USP53: variants seen among roughly 807,000 people sequenced by gnomAD.
The protein encoded by USP53 is ubiquitin specific peptidase 53, also known as ubiquitin carboxyl-terminal hydrolase 53.
Under a neutral mutation model 94.9 loss-of-function variants are expected in USP53, and 71 were observed. The ratio of observed to expected loss-of-function variants is 0.75; its 90% CI spans 0.62 to 0.91. The LOEUF (loss-of-function observed/expected upper bound fraction) is 0.91. USP53 is among the 40% of genes least tolerant of loss of function. The pLI is 0.00. For synonymous variants in USP53, 375 were observed against 422.7 expected (o/e 0.89, Z 1.39); for missense variants, 1,173 against 1,281.0 (o/e 0.92, Z 1.29).
chr4:119,263,749 GT>G (rs1453318488), intron 12 of USP53, among the ~76,000 whole-genome samples: 1 of 152,062 alleles, frequency 6.6e-6, no homozygotes, highest in Non-Finnish European at 1.5e-5. Flanking sequence ...TAGGCTGAAG[GT>G]TGCTCTGGAC....
intron 15 of USP53, 48 bp downstream of exon 15, chr4:119,269,885 T>C (rs780931565): frequency 7.9e-7 from 1 of 1,261,656 alleles, no homozygotes; most frequent in South Asian, 3.1e-5. Context: ...CTTCTAAAAA[T>C]CTTATTTTAA....
intron 9 of USP53, among the ~76,000 whole-genome samples, chr4:119,258,519 C>G (rs962787475): frequency 6.6e-6 from 1 of 152,088 alleles, no homozygotes; most frequent in Non-Finnish European, 1.5e-5. Context: ...TTAGTCTGTT[C>G]TCATGCTGCT....
chr4:119,244,213 A>G (rs756469581), intron 5 of USP53, among the ~76,000 whole-genome samples: 6 of 152,220 alleles, frequency 3.9e-5, no homozygotes, highest in Non-Finnish European at 8.8e-5. Context: ...AAGTTATTAA[A>G]CATCATCAAG....
In USP53 at chr4:119,268,371, T is replaced by A; in HGVS notation, c.1239T>A (p.Ile413=). The A allele has an allele frequency of 6.2e-7, 1 of 1,613,866 alleles. No individual in the cohort carries two copies. The highest frequency in any genetic ancestry group is 2.2e-5 in the East Asian group (1 of 44,862). Residue 413 remains isoleucine, a synonymous_variant, in exon 14 of 19, where the codon ATT becomes ATA. Transcript: ENST00000692078. ...ATCAGAAATTTCCAACTGATAATAT[T>A]TCATCATCTAATCGGAGCCACAGTC... ...RENQKFPTDN[I]SSSNRSHSHT...
Position 119,256,258 on chromosome 4 carries a change from G to T in USP53, c.385G>T (p.Glu129Ter). ...DAAECFENML[E>*]RIHFHIVPSR... ...ATTTTTAAATTAGGAAAATATGTTG[G>T]AGAGGATTCATTTTCACATAGTGCC... is the stretch of plus-strand genomic sequence containing the variant. The change falls in exon 8 of 19, where the codon GAG (glutamate) becomes TAG (stop). Residue 129 changes from glutamate to a stop codon, truncating the protein, a stop_gained. Coordinates refer to ENST00000692078, the MANE Select transcript of USP53 (RefSeq NM_001371395.1). LOFTEE classifies it high-confidence loss of function. 1 of 1,611,576 alleles carries T rather than the reference G, an allele frequency of 6.2e-7. No individual in the cohort carries two copies. The highest frequency in any genetic ancestry group is 8.5e-7 in the Non-Finnish European group (1 of 1,179,188).
At chr4:119,225,052 CT>C (rs1246839843) in intron 3 of USP53, among the ~76,000 whole-genome samples, 1 of 152,138 alleles carries the variant, frequency 6.6e-6, no homozygotes, top group Middle Eastern at 3.4e-3. Context: ...GATAAAATCC[CT>C]AGCCAAGACT....
chr4:119,268,422 T>C lies in USP53; in HGVS notation c.1288+2T>C. Reference sequence around the variant, plus strand: ...ACACAGGTGTAGGGAAAGGACCAGGTATGTGTTTAAATTGTCATTTTTACA... The same window carrying C: ...ACACAGGTGTAGGGAAAGGACCAGGCATGTGTTTAAATTGTCATTTTTACA... On this transcript the variant is annotated splice_donor_variant, in intron 14 of 18. Coordinates refer to ENST00000692078, the MANE Select transcript of USP53 (RefSeq NM_001371395.1). LOFTEE classifies it high-confidence loss of function. 3.1e-6 allele frequency: 5 copies of C among 1,603,598 alleles called. No individual in the cohort carries two copies. Among genetic ancestry groups the C allele is most frequent in the Non-Finnish European group, 4.3e-6 (5 of 1,175,650 alleles).
intron 7 of USP53, among the ~76,000 whole-genome samples, chr4:119,251,516 C>T (rs1749001179): frequency 6.6e-6 from 1 of 152,176 alleles, no homozygotes; most frequent in South Asian, 2.1e-4. Context: ...TTTACACTCC[C>T]ATCGACAGTG....
In USP53 at chr4:119,248,447, C is replaced by T. The variant is rs148217658; in HGVS notation, c.238-301C>T. Among the ~76,000 whole-genome samples, 785 of 121,300 alleles carry T rather than the reference C, an allele frequency of 6.5e-3. 14 individuals are homozygous for T. The highest frequency in any genetic ancestry group is 0.024 in the African/African-American group (745 of 31,424). 79.6% of individuals were successfully genotyped at this position (121,300 alleles called of 152,430 possible). On this transcript the variant is annotated intron_variant, in intron 6 of 18. Transcript: ENST00000692078. Reference sequence around the variant, plus strand: ...AGCAAAAGACTTCTGTATTATTTTCCGAAATACAGGTTGGGTATCTCTTGT... The same window carrying T: ...AGCAAAAGACTTCTGTATTATTTTCTGAAATACAGGTTGGGTATCTCTTGT...
At chr4:119,215,795 T>C (rs1238895522) in intron 2 of USP53, among the ~76,000 whole-genome samples, 1 of 152,194 alleles carries the variant, frequency 6.6e-6, no homozygotes, top group African/African-American at 2.4e-5. Context: ...TTGCTTCATA[T>C]ACTCTGCAGT....
intron 7 of USP53, among the ~76,000 whole-genome samples, chr4:119,250,448 T>C (rs946674711): frequency 1.3e-5 from 2 of 152,240 alleles, no homozygotes; most frequent in African/African-American, 4.8e-5. Context: ...GCATCTTGCC[T>C]AGCACACTTG....
chr4:119,284,472 G>T (rs539095362), intron 17 of USP53, among the ~76,000 whole-genome samples: 1 of 151,804 alleles, frequency 6.6e-6, no homozygotes, highest in South Asian at 2.1e-4. Context: ...TGGGAACATT[G>T]TTTAAATTGC....
In USP53 at chr4:119,268,364, A is replaced by G; in HGVS notation, c.1232A>G (p.Asp411Gly). The part of the protein sequence containing the change: ...KQRENQKFPT[D>G]NISSSNRSHS... ...AGAGAAAATCAGAAATTTCCAACTGATAATATTTCATCATCTAATCGGAGC... is the reference window on the plus strand; with the variant it reads ...AGAGAAAATCAGAAATTTCCAACTGGTAATATTTCATCATCTAATCGGAGC... Residue 411 changes from aspartate to glycine, a missense_variant, in exon 14 of 19, where the codon GAT (aspartate) becomes GGT (glycine). Transcript: ENST00000692078. 1 of 1,614,050 alleles carries G rather than the reference A, an allele frequency of 6.2e-7. No homozygotes were observed. Among genetic ancestry groups the G allele is most frequent in the Non-Finnish European group, 8.5e-7 (1 of 1,179,940 alleles).
chr4:119,222,849 C>A (rs917341162), intron 3 of USP53, among the ~76,000 whole-genome samples: 3 of 151,322 alleles, frequency 2.0e-5, no homozygotes, highest in Non-Finnish European at 4.4e-5. Flanking sequence ...TCTTTTTTCT[C>A]CTGGAACACA....
Position 119,239,796 on chromosome 4 carries a change from A to C in USP53, c.37A>C (p.Asn13His), listed in dbSNP as rs775798277. 5 of 1,611,910 alleles carry C rather than the reference A, an allele frequency of 3.1e-6. No individual in the cohort carries two copies. The highest frequency in any genetic ancestry group is 2.7e-5 in the African/African-American group (2 of 74,964). The change falls in exon 5 of 19, where the codon AAT (asparagine) becomes CAT (histidine). Residue 13 changes from asparagine (N) to histidine (H), a missense_variant. Coordinates refer to ENST00000692078, the MANE Select transcript of USP53 (RefSeq NM_001371395.1). The part of the protein sequence containing the change: ...WVKFLRKPGG[N>H]LGKVYQPGSM... ...AAAATTCTTACGGAAACCTGGTGGCAATCTTGGAAAAGTTTATCAGCCTGG... is the reference window on the plus strand; with the variant it reads ...AAAATTCTTACGGAAACCTGGTGGCCATCTTGGAAAAGTTTATCAGCCTGG...
At chr4:119,251,357 A>G (rs563745898) in intron 7 of USP53, among the ~76,000 whole-genome samples, 41 of 152,332 alleles carry the variant, frequency 2.7e-4, no homozygotes, top group African/African-American at 6.3e-4. Flanking sequence ...TAGTGCCACA[A>G]TAAACATACC....
chr4:119,258,271 T>C (rs892401422), intron 9 of USP53, among the ~76,000 whole-genome samples: 1 of 152,216 alleles, frequency 6.6e-6, no homozygotes, highest in Non-Finnish European at 1.5e-5. Flanking sequence ...TATATGCAAT[T>C]TGAATGAGCT....
chr4:119,235,062 A>G (rs373941997), intron 3 of USP53, among the ~76,000 whole-genome samples: 1 of 152,372 alleles, frequency 6.6e-6, no homozygotes, highest in African/African-American at 2.4e-5. Context: ...TGAATCAGAG[A>G]TGACAAGAAT....
At chr4:119,235,738 T>A (rs78341058) in intron 4 of USP53, among the ~76,000 whole-genome samples, 4,492 of 152,318 alleles carry the variant, frequency 0.029, 78 homozygotes, top group South Asian at 0.071. Context: ...CAACCCTCAG[T>A]ATCTTTGAGG....
Sources: allele counts gnomAD v4.1 joint callset (sites outside exome capture counted in the v4.1 genomes callset), GRCh38; gene constraint gnomAD v4.1.1; transcripts MANE v1.5; gene names NCBI Gene and HGNC (gene_info 2026-07-23, HGNC 2026-07-21).